The following FAM193A variants were observed in gnomAD, a reference collection of about 807,000 sequenced individuals.
The protein encoded by FAM193A is protein FAM193A.
Under a neutral mutation model 126.5 loss-of-function variants are expected in FAM193A, and 22 were observed. That is an observed-to-expected ratio of 0.17 (90% CI 0.12 to 0.25). The LOEUF (loss-of-function observed/expected upper bound fraction) is 0.25. Ranked by LOEUF, FAM193A falls within the 10% of genes least tolerant of loss-of-function variation. FAM193A has a pLI of 1.00. For missense variants in FAM193A, 1,675 were observed against 1,672.8 expected (o/e 1.00, Z -0.02); for synonymous variants, 761 against 646.8 (o/e 1.18, Z -2.68).
chr4:2,585,049 A>G (rs1297888251), intron 1 of FAM193A, among the ~76,000 whole-genome samples: 1 of 152,236 alleles, frequency 6.6e-6, no homozygotes, highest in Non-Finnish European at 1.5e-5. Flanking sequence ...TCACCCAACA[A>G]TATTTGAAAG....
At chr4:2,641,991 C>G (rs1173303137) in intron 6 of FAM193A, among the ~76,000 whole-genome samples, 1 of 151,344 alleles carries the variant, frequency 6.6e-6, no homozygotes, top group Non-Finnish European at 1.5e-5. Flanking sequence ...AATGCCAGCA[C>G]TTTGGGAGGT....
Position 2,626,503 on chromosome 4 carries a change from A to C in FAM193A, c.729A>C (p.Ala243=), listed in dbSNP as rs1742979149. 2.8e-6 allele frequency: 2 copies of C among 702,456 alleles called. No homozygotes were observed. Among genetic ancestry groups the C allele is most frequent in the Non-Finnish European group, 5.2e-6 (2 of 384,972 alleles). The allele number at this position is 702,456 out of a possible 1,614,324, so 43.5% of individuals were successfully genotyped here. ...CGGTGCGCTGCATCTACCGCCAGGC[A>C]GGAACCCCGCTGGCAGATGACCAGG... The part of the protein sequence containing the change: ...RYTVRCIYRQ[A]GTPLADDQDQ... Residue 243 remains alanine (A), a synonymous_variant, in exon 4 of 21, where the codon GCA becomes GCC. Transcript: ENST00000637812.
rs114559753 is a variant in FAM193A at position 2,566,442 on chromosome 4, C to T, written c.255+29272C>T. On this transcript the variant is annotated intron_variant, in intron 1 of 20. Transcript: ENST00000637812. ...CGGTGGCTCACACCTGTAATCCCAACGCTTTGTGAGGATGAGGCGGACGGA... is the reference window on the plus strand; with the variant it reads ...CGGTGGCTCACACCTGTAATCCCAATGCTTTGTGAGGATGAGGCGGACGGA... 5.4e-3 allele frequency among the ~76,000 whole-genome samples: 825 copies of T among 152,222 alleles called. 7 individuals are homozygous for T. Among genetic ancestry groups the T allele is most frequent in the African/African-American group, 0.018 (738 of 41,528 alleles).
chr4:2,572,485 TC>T (rs1202530811), intron 1 of FAM193A, among the ~76,000 whole-genome samples: 1 of 152,098 alleles, frequency 6.6e-6, no homozygotes, highest in East Asian at 1.9e-4. Flanking sequence ...TCTCCAGTCT[TC>T]CTAGGGACAC....
At chr4:2,583,943 G>A (rs762185005) in intron 1 of FAM193A, among the ~76,000 whole-genome samples, 10 of 152,136 alleles carry the variant, frequency 6.6e-5, no homozygotes, top group Non-Finnish European at 1.3e-4. Context: ...AAGCAGCCAT[G>A]TCTTGAGGAA....
chr4:2,556,059 G>T (rs867983531), intron 1 of FAM193A, among the ~76,000 whole-genome samples: 43 of 151,924 alleles, frequency 2.8e-4, no homozygotes, highest in African/African-American at 9.4e-4. Flanking sequence ...ACCACGCCTG[G>T]ATAATTTTGT....
At chr4:2,693,339 C>T (rs1410262787) in intron 15 of FAM193A, among the ~76,000 whole-genome samples, 2 of 152,042 alleles carry the variant, frequency 1.3e-5, no homozygotes, top group Non-Finnish European at 2.9e-5. Context: ...TTTAAAAAAC[C>T]AAACTGTCGA....
intron 6 of FAM193A, among the ~76,000 whole-genome samples, chr4:2,644,662 G>T (rs1426964304): frequency 6.6e-6 from 1 of 152,124 alleles, no homozygotes; most frequent in Non-Finnish European, 1.5e-5. Flanking sequence ...AACCTCTGCT[G>T]CCTTCCCTGG....
At chr4:2,717,585 G>A (rs1462622147) in intron 20 of FAM193A, among the ~76,000 whole-genome samples, 2 of 134,522 alleles carry the variant, frequency 1.5e-5, no homozygotes, top group Admixed American at 1.7e-4. Context: ...AACAGAGAGA[G>A]ACTTTGTCTC....
intron 1 of FAM193A, among the ~76,000 whole-genome samples, chr4:2,551,297 G>A (rs562844689): frequency 1.3e-5 from 2 of 152,218 alleles, no homozygotes; most frequent in East Asian, 3.9e-4. Flanking sequence ...GGGAATATTT[G>A]CATTATGCTG....
At chr4:2,602,353 CTT>C (rs35168097) in intron 2 of FAM193A, among the ~76,000 whole-genome samples, 37 of 128,512 alleles carry the variant, frequency 2.9e-4, no homozygotes, top group Admixed American at 7.2e-4. Flanking sequence ...ATGTTCTGTT[CTT>C]TTTTTTTTTT....
chr4:2,651,702 C>T (rs533763527), intron 7 of FAM193A, among the ~76,000 whole-genome samples: 4 of 152,276 alleles, frequency 2.6e-5, no homozygotes, highest in East Asian at 1.9e-4. Context: ...GTTGACATGA[C>T]GTCACGGCAG....
chr4:2,661,862 T>C (rs1712484757), intron 10 of FAM193A, among the ~76,000 whole-genome samples: 1 of 152,174 alleles, frequency 6.6e-6, no homozygotes, highest in African/African-American at 2.4e-5. Context: ...AAGTGGTCTC[T>C]GTAGGCTAAA....
intron 1 of FAM193A, among the ~76,000 whole-genome samples, chr4:2,553,625 C>T (rs1028753003): frequency 2.6e-5 from 4 of 151,866 alleles, no homozygotes; most frequent in South Asian, 2.1e-4. Context: ...GTGATCTGCC[C>T]GCCTTGGCCT....
rs928088188 is a variant in FAM193A, at chr4:2,732,072, C to T, written c.*204C>T. The T allele has an allele frequency of 6.8e-6, 4 of 587,420 alleles. No homozygotes were observed. The highest frequency in any genetic ancestry group is 3.7e-5 in the African/African-American group (2 of 53,708). 36.4% of individuals were successfully genotyped at this position (587,420 alleles called of 1,614,324 possible). A position where few individuals can be genotyped will look rare whatever the true frequency, so the allele number is the denominator to read the frequency against. On this transcript the variant is annotated 3_prime_UTR_variant, in exon 21 of 21. Coordinates refer to ENST00000637812, the MANE Select transcript of FAM193A (RefSeq NM_001366318.2). ...GTGTAGTCTGTGCGTGAGACTCCTT[C>T]GATTGTAGCTCTGTGCTGTCGGATT...
chr4:2,558,300 A>G (rs935122098), intron 1 of FAM193A, among the ~76,000 whole-genome samples: 1 of 152,164 alleles, frequency 6.6e-6, no homozygotes, highest in Non-Finnish European at 1.5e-5. Context: ...AAAGAAAAAA[A>G]TAGTGTACTA....
At chr4:2,545,539 T>C (rs1219050255) in intron 1 of FAM193A, among the ~76,000 whole-genome samples, 1 of 152,188 alleles carries the variant, frequency 6.6e-6, no homozygotes, top group East Asian at 1.9e-4. Context: ...TTGGTGGACA[T>C]GAGCACTCAG....
At chr4:2,723,291 C>T (rs1720363842) in intron 20 of FAM193A, among the ~76,000 whole-genome samples, 1 of 139,496 alleles carries the variant, frequency 7.2e-6, no homozygotes, top group Non-Finnish European at 1.6e-5. Context: ...AAAACAGTAT[C>T]CTTTAGGCCA....
At chr4:2,587,001 A>T (rs866719397) in intron 1 of FAM193A, among the ~76,000 whole-genome samples, 1 of 152,058 alleles carries the variant, frequency 6.6e-6, no homozygotes, top group East Asian at 1.9e-4. Flanking sequence ...ATTGTTCTTC[A>T]TGAATGTTTT....
Sources: allele counts gnomAD v4.1 joint callset (sites outside exome capture counted in the v4.1 genomes callset), GRCh38; gene constraint gnomAD v4.1.1; transcripts MANE v1.5; gene names NCBI Gene and HGNC (gene_info 2026-07-23, HGNC 2026-07-21).